The following ZNF689 variants were observed in gnomAD, a reference collection of about 807,000 sequenced individuals.
ZNF689 encodes zinc finger protein 689.
In ZNF689, 14 loss-of-function variants were observed where a neutral mutation model predicts 37.2. That is an observed-to-expected ratio of 0.38 (90% CI 0.25 to 0.59). ZNF689 has a LOEUF of 0.59. Among genes scored for constraint, ZNF689 ranks in the 20% least tolerant of loss-of-function variants. The pLI, the probability that ZNF689 is intolerant of heterozygous loss-of-function variation, is 0.68. For synonymous variants in ZNF689, 277 were observed against 283.3 expected (o/e 0.98, Z 0.22); for missense variants, 573 against 700.2 (o/e 0.82, Z 2.05).
At position 30,604,707 on chromosome 16, in the gene ZNF689, A is replaced by G. The variant is rs2052017902; in HGVS notation, c.1060T>C (p.Phe354Leu). Residue 354 changes from phenylalanine (F) to leucine (L), a missense_variant, in exon 3 of 3, where the codon TTC (phenylalanine) becomes CTC (leucine). Phe to Leu is a conservative substitution (Grantham distance 22). Transcript: ENST00000287461. This position sits in a 1 kb window ranked among gnomAD's most constrained non-coding sequence, Gnocchi z 5.2. Reference protein sequence around the residue: ...PYACEHCEARFSQRSTLLQHQ... With the variant: ...PYACEHCEARLSQRSTLLQHQ... ...TGGAGCAGCGTGCTGCGCTGGGAGA[A>G]GCGGGCCTCACAGTGCTCGCAGGCA... is the stretch of plus-strand genomic sequence containing the variant. 6.2e-7 allele frequency: 1 copy of G among 1,607,968 alleles called. No homozygotes were observed. The highest frequency in any genetic ancestry group is 1.7e-5 in the Admixed American group (1 of 59,802).
intron 2 of ZNF689, among the ~76,000 whole-genome samples, chr16:30,606,307 A>G (rs1012096916): frequency 5.3e-5 from 8 of 152,178 alleles, no homozygotes; most frequent in African/African-American, 1.9e-4. Context: ...TATCTCAAAA[A>G]ACAAACAAGT....
At chr16:30,607,248 CAAAAAAA>C (rs758625831) in intron 2 of ZNF689, among the ~76,000 whole-genome samples, 63 of 18,632 alleles carry the variant, frequency 3.4e-3, no homozygotes, top group Admixed American at 8.9e-3. Context: ...GACTCCATCT[CAAAAAAA>C]AAAAAAAAAA....
Position 30,610,344 on chromosome 16 carries a change from A to T in ZNF689, c.-303T>A, listed in dbSNP as rs2052085412. 1 of 404,130 alleles carries T rather than the reference A, an allele frequency of 2.5e-6. No homozygotes were observed. The highest frequency in any genetic ancestry group is 3.6e-5 in the South Asian group (1 of 27,832). 25.0% of individuals were successfully genotyped at this position (404,130 alleles called of 1,614,324 possible). A position where few individuals can be genotyped will look rare whatever the true frequency, so the allele number is the denominator to read the frequency against. On this transcript the variant is annotated 5_prime_UTR_variant, in exon 1 of 3. Coordinates refer to ENST00000287461, the MANE Select transcript of ZNF689 (RefSeq NM_138447.3). ...TCCAGCTATCGATTTTATTGACCGG[A>T]GCGCCATGCCGGCTTCCTAACCTCT...
intron 2 of ZNF689, among the ~76,000 whole-genome samples, chr16:30,606,169 G>A (rs116746054): frequency 0.018 from 2,794 of 151,906 alleles, 80 homozygotes; most frequent in African/African-American, 0.061. Context: ...CTGGTGGCAC[G>A]CGTGCCTGCC....
intron 2 of ZNF689, 174 bp downstream of exon 2, chr16:30,609,351 T>C (rs1409625942): frequency 6.6e-6 from 3 of 453,622 alleles, no homozygotes; most frequent in African/African-American, 4.2e-5. Context: ...CAGACTGACA[T>C]AGGAATCTCT....
chr16:30,609,779 C>A (rs1169450566), intron 1 of ZNF689, 58 bp downstream of exon 1: 4 of 1,569,670 alleles, frequency 2.5e-6, no homozygotes, highest in South Asian at 1.2e-5. Flanking sequence ...CCTGCCTACA[C>A]CCTCTCCGGC....
In ZNF689 at chr16:30,603,848, G is replaced by A; in HGVS notation, c.*416C>T. On this transcript the variant is annotated 3_prime_UTR_variant, in exon 3 of 3. Coordinates refer to ENST00000287461, the MANE Select transcript of ZNF689 (RefSeq NM_138447.3). Reference sequence around the variant, plus strand: ...TTGGCAGGAGTGTTGCAAAAAGTGGGCTAAACCAGATTTTTCCAACCTAGT... The same window carrying A: ...TTGGCAGGAGTGTTGCAAAAAGTGGACTAAACCAGATTTTTCCAACCTAGT... 2 of 338,936 alleles carry A rather than the reference G, an allele frequency of 5.9e-6. No individual in the cohort carries two copies. The highest frequency in any genetic ancestry group is 7.7e-5 in the East Asian group (1 of 12,916). The allele number at this position is 338,936 out of a possible 1,614,324, so 21.0% of individuals were successfully genotyped here.
Position 30,604,313 on chromosome 16 carries a change from C to G in ZNF689, c.1454G>C (p.Ser485Thr), listed in dbSNP as rs777519305. The change falls in exon 3 of 3, where the codon AGC (serine) becomes ACC (threonine). Residue 485 changes from serine to threonine, a missense_variant. This residue lies in a region of ZNF689 where 317 missense variants were observed against 367.1 expected (regional missense o/e 0.86). Transcript: ENST00000287461. This position sits in a 1 kb window ranked among gnomAD's most constrained non-coding sequence, Gnocchi z 5.2. Reference protein sequence around the residue: ...HKCSPKAPNCSPRSAIGGSSQ... With the variant: ...HKCSPKAPNCTPRSAIGGSSQ... ...GGAGCCCCCGATAGCAGATCTAGGG[C>G]TACAGTTTGGGGCCTTGGGGCTACA... is the stretch of plus-strand genomic sequence containing the variant. 1 of 1,614,092 alleles carries G rather than the reference C, an allele frequency of 6.2e-7. No homozygotes were observed. Among genetic ancestry groups the G allele is most frequent in the South Asian group, 1.1e-5 (1 of 91,088 alleles).
rs780261613 is a variant in ZNF689 at position 30,604,572 on chromosome 16, TCTC to T, written c.1192_1194del (p.Glu398del). 4 of 1,589,830 alleles carry T rather than the reference TCTC, an allele frequency of 2.5e-6. No individual in the cohort carries two copies. Among genetic ancestry groups the T allele is most frequent in the Admixed American group, 3.6e-5 (2 of 55,188 alleles). On this transcript the variant is annotated inframe_deletion, in exon 3 of 3. Coordinates refer to ENST00000287461, the MANE Select transcript of ZNF689 (RefSeq NM_138447.3). The surrounding 1 kb of genome is among the most constrained non-coding windows in gnomAD (Gnocchi z 5.2). ...CCACAGTCGTCGCAGGCGTGCAGCT[TCTC>T]CTCTGTGTGCGTGCTGCGATGGATG...
Position 30,605,828 on chromosome 16 carries a change from C to T in ZNF689, c.320-381G>A, listed in dbSNP as rs1334519363. 1.3e-5 allele frequency among the ~76,000 whole-genome samples: 2 copies of T among 151,826 alleles called. No homozygotes were observed. Among genetic ancestry groups the T allele is most frequent in the African/African-American group, 2.4e-5 (1 of 41,326 alleles). On this transcript the variant is annotated intron_variant, in intron 2 of 2. Transcript: ENST00000287461. The surrounding 1 kb of genome is among the most constrained non-coding windows in gnomAD (Gnocchi z 5.1). ...CAAAAATTAGCCGGGCGTGGTGGCA[C>T]GCACCTGTAATCCCAGCTACCCAGA... is the stretch of plus-strand genomic sequence containing the variant.
rs1182674525 is a variant in ZNF689 at position 30,603,075 on chromosome 16, T to G, written c.*1189A>C. The G allele has an allele frequency of 6.6e-6, 1 of 152,214 alleles. No homozygotes were observed. Among genetic ancestry groups the G allele is most frequent in the African/African-American group, 2.4e-5 (1 of 41,462 alleles). The allele number at this position is 152,214 out of a possible 1,614,324, so 9.4% of individuals were successfully genotyped here. A position where few individuals can be genotyped will look rare whatever the true frequency, so the allele number is the denominator to read the frequency against. Reference sequence around the variant, plus strand: ...TTGTGAAAAAATGCTGACTGAGGCCTCATGGAAGTTCTGTGCCGATTCTTA... The same window carrying G: ...TTGTGAAAAAATGCTGACTGAGGCCGCATGGAAGTTCTGTGCCGATTCTTA... On this transcript the variant is annotated 3_prime_UTR_variant, in exon 3 of 3. Coordinates refer to ENST00000287461, the MANE Select transcript of ZNF689 (RefSeq NM_138447.3).
At position 30,603,510 on chromosome 16, in the gene ZNF689, CTTA is replaced by C. The variant is rs2052001064; in HGVS notation, c.*751_*753del. ...AGGTGTAGTGGCACTGTGGTGTTAC[CTTA>C]TTTTTATATGACCCTTCAAAAAGGA... On this transcript the variant is annotated 3_prime_UTR_variant, in exon 3 of 3. Coordinates refer to ENST00000287461, the MANE Select transcript of ZNF689 (RefSeq NM_138447.3). The C allele has an allele frequency of 6.6e-6, 1 of 152,588 alleles. No homozygotes were observed. The highest frequency in any genetic ancestry group is 1.5e-5 in the Non-Finnish European group (1 of 68,492). 9.5% of individuals were successfully genotyped at this position (152,588 alleles called of 1,614,324 possible).
rs1488044767 is a variant in ZNF689, at chr16:30,605,019, T to C, written c.748A>G (p.Asn250Asp). 1 of 1,609,820 alleles carries C rather than the reference T, an allele frequency of 6.2e-7. No homozygotes were observed. ...RCFRRSRSLA[N>D]HRTTHTGEKP... ...TCACCTGTGTGTGTGGTCCGGTGAT[T>C]GGCCAAGGACCGGCTCCTCCGGAAG... The change falls in exon 3 of 3, where the codon AAT becomes GAT. Residue 250 changes from asparagine (N) to aspartate (D), a missense_variant. Coordinates refer to ENST00000287461, the MANE Select transcript of ZNF689 (RefSeq NM_138447.3). This position sits in a 1 kb window ranked among gnomAD's most constrained non-coding sequence, Gnocchi z 5.1.
In ZNF689 at chr16:30,609,952, C is replaced by A; in HGVS notation, c.90G>T (p.Lys30Asn). Residue 30 changes from lysine (K) to asparagine (N), a missense_variant, in exon 1 of 3, where the codon AAG becomes AAT. By Grantham distance (94) the Lys-to-Asn change is moderately conservative (BLOSUM62 0). Transcript: ENST00000287461. The part of the protein sequence containing the change: ...RKRGRRPRAL[K>N]FVDVAVYFSP... ...AGAAGTACACGGCCACGTCCACGAA[C>A]TTCAGAGCCCTCGGCCTCCTGCCCC... 6.2e-7 allele frequency: 1 copy of A among 1,612,632 alleles called. No homozygotes were observed. Among genetic ancestry groups the A allele is most frequent in the South Asian group, 1.1e-5 (1 of 90,966 alleles).
At position 30,609,890 on chromosome 16, in the gene ZNF689, C is replaced by A; in HGVS notation, c.152G>T (p.Arg51Met). The A allele has an allele frequency of 6.2e-7, 1 of 1,611,940 alleles. No homozygotes were observed. Among genetic ancestry groups the A allele is most frequent in the South Asian group, 1.1e-5 (1 of 90,924 alleles). Residue 51 changes from arginine to methionine, a missense_variant, in exon 1 of 3, where the codon AGG becomes ATG. Physicochemically the swap from Arg to Met is moderately conservative, Grantham distance 91. Around this residue, in one of 3 missense-constraint regions of ZNF689, gnomAD observed 252 missense variants for 313.3 expected, o/e 0.80. Transcript: ENST00000287461. ...CCGCATCACGTCCCGGTACAGGGCC[C>A]TCTGCGCGGGCCGCAGGCAGCCCCA... ...EEWGCLRPAQRALYRDVMRET... is the reference protein window; with the variant it reads ...EEWGCLRPAQMALYRDVMRET...
In ZNF689 at chr16:30,604,698, G is replaced by A. The variant is rs1477283911; in HGVS notation, c.1069C>T (p.Arg357Cys). Reference protein sequence around the residue: ...CEHCEARFSQRSTLLQHQLLH... With the variant: ...CEHCEARFSQCSTLLQHQLLH... Reference sequence around the variant, plus strand: ...AGCTGGTGCTGGAGCAGCGTGCTGCGCTGGGAGAAGCGGGCCTCACAGTGC... The same window carrying A: ...AGCTGGTGCTGGAGCAGCGTGCTGCACTGGGAGAAGCGGGCCTCACAGTGC... The change falls in exon 3 of 3, where the codon CGC becomes TGC. Residue 357 changes from arginine (R) to cysteine (C), a missense_variant. Physicochemically the swap from Arg to Cys is radical, Grantham distance 180. Around this residue, in one of 3 missense-constraint regions of ZNF689, gnomAD observed 317 missense variants for 367.1 expected, o/e 0.86. Transcript: ENST00000287461. The surrounding 1 kb of genome is among the most constrained non-coding windows in gnomAD (Gnocchi z 5.2). 6 of 1,608,328 alleles carry A rather than the reference G, an allele frequency of 3.7e-6. No homozygotes were observed. The highest frequency in any genetic ancestry group is 4.2e-6 in the Non-Finnish European group (5 of 1,178,684).
In ZNF689 at chr16:30,604,516, G is replaced by A. The variant is rs1377616630; in HGVS notation, c.1251C>T (p.Ala417=). 1 of 1,595,858 alleles carries A rather than the reference G, an allele frequency of 6.3e-7. No homozygotes were observed. The part of the protein sequence containing the change: ...GRRFAYPSLL[A]SHRRVHSGER... ...CGCCCGAGTGCACGCGCCGGTGGCTGGCCAGCAGTGAGGGGTAGGCAAAGC... is the reference window on the plus strand; with the variant it reads ...CGCCCGAGTGCACGCGCCGGTGGCTAGCCAGCAGTGAGGGGTAGGCAAAGC... The change falls in exon 3 of 3, where the codon GCC becomes GCT. Residue 417 remains alanine, a synonymous_variant. Transcript: ENST00000287461. This position sits in a 1 kb window ranked among gnomAD's most constrained non-coding sequence, Gnocchi z 5.2.
rs2052028707 is a variant in ZNF689 at position 30,605,602 on chromosome 16, G to A, written c.320-155C>T. Among the ~76,000 whole-genome samples the A allele has an allele frequency of 6.6e-6, 1 of 152,184 alleles. No individual in the cohort carries two copies. Among genetic ancestry groups the A allele is most frequent in the Non-Finnish European group, 1.5e-5 (1 of 68,036 alleles). On this transcript the variant is annotated intron_variant, in intron 2 of 2. Coordinates refer to ENST00000287461, the MANE Select transcript of ZNF689 (RefSeq NM_138447.3). The surrounding 1 kb of genome is among the most constrained non-coding windows in gnomAD (Gnocchi z 5.1). ...ACATACTGTCATGCAAATACGGTGT[G>A]CATTACAGGAGCTTCTAACCCAGCT...
Position 30,605,267 on chromosome 16 carries a change from T to G in ZNF689, c.500A>C (p.His167Pro). 6.2e-7 allele frequency: 1 copy of G among 1,611,554 alleles called. No homozygotes were observed. Among genetic ancestry groups the G allele is most frequent in the Non-Finnish European group, 8.5e-7 (1 of 1,178,216 alleles). The change falls in exon 3 of 3, where the codon CAC becomes CCC. Residue 167 changes from histidine (H) to proline (P), a missense_variant. His to Pro is a moderately conservative substitution (Grantham distance 77). This residue lies in a region of ZNF689 where 252 missense variants were observed against 313.3 expected (regional missense o/e 0.80). Coordinates refer to ENST00000287461, the MANE Select transcript of ZNF689 (RefSeq NM_138447.3). This position sits in a 1 kb window ranked among gnomAD's most constrained non-coding sequence, Gnocchi z 5.1. The part of the protein sequence containing the change: ...TFPDHQALES[H>P]KCAQNLKKPY... Reference sequence around the variant, plus strand: ...CTTTTTTAGATTCTGGGCGCACTTGTGGCTCTCCAGGGCCTGATGATCAGG... The same window carrying G: ...CTTTTTTAGATTCTGGGCGCACTTGGGGCTCTCCAGGGCCTGATGATCAGG...
Sources: allele counts gnomAD v4.1 joint callset (sites outside exome capture counted in the v4.1 genomes callset), GRCh38; gene constraint gnomAD v4.1.1; regional missense constraint gnomAD v4.1.1; non-coding constraint Gnocchi (gnomAD v3.1); transcripts MANE v1.5; gene names NCBI Gene and HGNC (gene_info 2026-07-23, HGNC 2026-07-21).